Variants in MAGI2 observed in about 807,000 individuals in gnomAD.
MAGI2 encodes membrane-associated guanylate kinase, WW and PDZ domain-containing protein 2.
Under a neutral mutation model 133.3 loss-of-function variants are expected in MAGI2, and 35 were observed. The ratio of observed to expected loss-of-function variants is 0.26; its 90% confidence interval spans 0.20 to 0.35. The LOEUF (loss-of-function observed/expected upper bound fraction) is 0.35, where lower values mean the gene tolerates loss of function less well. Ranked by LOEUF, MAGI2 falls within the 10% of genes least tolerant of loss-of-function variation. The pLI is 1.00. For missense variants in MAGI2, 1,636 were observed against 1,863.4 expected (o/e 0.88, Z 2.25); for synonymous variants, 729 against 710.6 (o/e 1.03, Z -0.41).
chr7:78,602,403 A>G (rs1020781111), intron 3 of MAGI2, among the ~76,000 whole-genome samples: 1 of 152,032 alleles, frequency 6.6e-6, no homozygotes, highest in African/African-American at 2.4e-5. Context: ...CAGGTGATCC[A>G]CCCATCTTGG....
At chr7:78,311,960 G>A (rs528281416) in intron 9 of MAGI2, among the ~76,000 whole-genome samples, 5 of 151,984 alleles carry the variant, frequency 3.3e-5, no homozygotes, top group South Asian at 4.2e-4. Context: ...TAGTAGAGAC[G>A]GGGTTTCACC....
intron 1 of MAGI2, among the ~76,000 whole-genome samples, chr7:79,354,734 C>T (rs574828655): frequency 3.0e-4 from 46 of 152,246 alleles, no homozygotes; most frequent in African/African-American, 1.0e-3. Context: ...ATGCTCACCT[C>T]GGTGTGCCTC....
chr7:78,033,775 G>A (rs569198409), intron 21 of MAGI2, among the ~76,000 whole-genome samples: 37 of 152,210 alleles, frequency 2.4e-4, no homozygotes, highest in African/African-American at 5.1e-4. Context: ...AACAAGGGCC[G>A]AGCTCAGTGG....
At chr7:79,320,120 C>T (rs1839056006) in intron 1 of MAGI2, among the ~76,000 whole-genome samples, 1 of 151,852 alleles carries the variant, frequency 6.6e-6, no homozygotes, top group African/African-American at 2.4e-5. Flanking sequence ...GATCACAATC[C>T]CAGTAATTAT....
chr7:78,416,461 T>C (rs1043491996), intron 6 of MAGI2, among the ~76,000 whole-genome samples: 5 of 152,328 alleles, frequency 3.3e-5, no homozygotes, highest in Non-Finnish European at 5.9e-5. Flanking sequence ...TCATATGAAA[T>C]GATTGTATTC....
intron 1 of MAGI2, among the ~76,000 whole-genome samples, chr7:79,159,281 C>G (rs1824114101): frequency 6.6e-6 from 1 of 151,614 alleles, no homozygotes; most frequent in Non-Finnish European, 1.5e-5. Flanking sequence ...ATTCATTTGG[C>G]TATGGGAGGA....
chr7:78,121,531 CA>C (rs1403780529), intron 20 of MAGI2, among the ~76,000 whole-genome samples: 2 of 152,030 alleles, frequency 1.3e-5, no homozygotes, highest in South Asian at 2.1e-4. Context: ...AATGCAAATC[CA>C]AATCTAAAAT....
chr7:79,080,601 A>G (rs577539169), intron 1 of MAGI2, among the ~76,000 whole-genome samples: 1 of 152,136 alleles, frequency 6.6e-6, no homozygotes, highest in Non-Finnish European at 1.5e-5. Flanking sequence ...GCCTCATTAT[A>G]CAGAAAAGAT....
chr7:78,040,516 A>G (rs1453179300), intron 21 of MAGI2, among the ~76,000 whole-genome samples: 2 of 152,148 alleles, frequency 1.3e-5, no homozygotes, highest in African/African-American at 4.8e-5. Flanking sequence ...TGGGTGGGTA[A>G]GGTCACCCCA....
chr7:79,259,841 G>C (rs1918937), intron 1 of MAGI2, among the ~76,000 whole-genome samples: 92,919 of 152,002 alleles, frequency 0.61, 29,735 homozygotes, highest in Non-Finnish European at 0.71. Flanking sequence ...AACACAAAAT[G>C]GTGGTAAGAT....
At chr7:78,430,488 C>T in intron 6 of MAGI2, among the ~76,000 whole-genome samples, 1 of 151,470 alleles carries the variant, frequency 6.6e-6, no homozygotes. Flanking sequence ...GAAAAAACAC[C>T]CCTCTATTTC....
At chr7:78,159,828 CCTT>C (rs1283179544) in intron 16 of MAGI2, 194 bp downstream of exon 16, 17 of 500,698 alleles carry the variant, frequency 3.4e-5, no homozygotes, top group Non-Finnish European at 5.2e-5. Context: ...TGTGTTCTTG[CCTT>C]CTTCTTGAGC....
intron 1 of MAGI2, among the ~76,000 whole-genome samples, chr7:79,075,036 G>A (rs1208009536): frequency 6.6e-6 from 1 of 152,174 alleles, no homozygotes; most frequent in Non-Finnish European, 1.5e-5. Context: ...CCTTATGGAT[G>A]TAAGATGGCT....
chr7:78,792,720 A>G (rs1263197199), intron 2 of MAGI2, among the ~76,000 whole-genome samples: 1 of 152,190 alleles, frequency 6.6e-6, no homozygotes, highest in East Asian at 1.9e-4. Flanking sequence ...CACAAGTGTA[A>G]GTGGTTAACT....
chr7:79,043,114 C>T (rs1474789704), intron 1 of MAGI2, among the ~76,000 whole-genome samples: 1 of 152,024 alleles, frequency 6.6e-6, no homozygotes, highest in African/African-American at 2.4e-5. Flanking sequence ...GCACTGAACA[C>T]CCACATCAAA....
At chr7:78,963,746 C>T (rs1044028312) in intron 2 of MAGI2, among the ~76,000 whole-genome samples, 1 of 151,704 alleles carries the variant, frequency 6.6e-6, no homozygotes, top group African/African-American at 2.4e-5. Flanking sequence ...AAAAGTGTGC[C>T]CTGGTTTATA....
At position 78,602,613 on chromosome 7, in the gene MAGI2, A is replaced by AT. The variant is rs549464198; in HGVS notation, c.538+24506dup. ...AGAGCATTAAAAAAAGCTGAAAAGC[A>AT]TTTTTACCAGAATAAAACAAATGAA... On this transcript the variant is annotated intron_variant, in intron 3 of 21. Transcript: ENST00000354212. Among the ~76,000 whole-genome samples the AT allele has an allele frequency of 2.0e-5, 3 of 152,328 alleles. No homozygotes were observed. The East Asian group carries it at 5.8e-4, about 29-fold the overall frequency.
intron 2 of MAGI2, among the ~76,000 whole-genome samples, chr7:78,907,741 C>T (rs183972874): frequency 5.3e-5 from 8 of 152,198 alleles, no homozygotes; most frequent in African/African-American, 1.9e-4. Flanking sequence ...AAAAATTAGG[C>T]CTCTATTTTT....
At chr7:78,864,279 A>G (rs1794377395) in intron 2 of MAGI2, among the ~76,000 whole-genome samples, 1 of 152,230 alleles carries the variant, frequency 6.6e-6, no homozygotes, top group Non-Finnish European at 1.5e-5. Flanking sequence ...ATGTGGCATT[A>G]TGTGTGACTC....
Sources: gnomAD v4.1 joint callset for allele counts (sites outside exome capture counted in the v4.1 genomes callset) on GRCh38, gnomAD v4.1.1 for gene constraint, MANE v1.5 for transcripts, NCBI Gene and HGNC (gene_info 2026-07-23, HGNC 2026-07-21) for gene names.